HUNK: variants seen among roughly 807,000 people sequenced by gnomAD.
HUNK encodes hormonally up-regulated Neu-associated kinase, also known as hormonally up-regulated neu tumor-associated kinase.
A neutral mutation model predicts 61.0 loss-of-function variants in HUNK; 21 were observed. The observed-to-expected ratio is 0.34, with a 90% CI of 0.24 to 0.50. The LOEUF (loss-of-function observed/expected upper bound fraction) is 0.50. Ranked by LOEUF, HUNK falls within the 20% of genes least tolerant of loss-of-function variation. The pLI, the probability that HUNK is intolerant of heterozygous loss-of-function variation, is 0.98. For synonymous variants in HUNK, 371 were observed against 386.1 expected (o/e 0.96, Z 0.46); for missense variants, 772 against 945.7 (o/e 0.82, Z 2.41).
At position 31,994,724 on chromosome 21, in the gene HUNK, A is replaced by G. The variant is rs951999746; in HGVS notation, c.1306-1044A>G. On this transcript the variant is annotated intron_variant, in intron 9 of 10. Coordinates refer to ENST00000270112, the MANE Select transcript of HUNK (RefSeq NM_014586.2). ...ACCAGCCCTTTTAAAAAACATTTTAATAACTATTTATTAAGCTTTCTGTAA... is the reference window on the plus strand; with the variant it reads ...ACCAGCCCTTTTAAAAAACATTTTAGTAACTATTTATTAAGCTTTCTGTAA... Among the ~76,000 whole-genome samples the G allele has an allele frequency of 1.1e-4, 17 of 152,382 alleles. No individual in the cohort carries two copies. In the East Asian group the frequency reaches 2.9e-3, roughly 26 times the overall value.
At chr21:31,967,367 A>G (rs2052974559) in intron 5 of HUNK, among the ~76,000 whole-genome samples, 1 of 152,144 alleles carries the variant, frequency 6.6e-6, no homozygotes, top group East Asian at 1.9e-4. Flanking sequence ...ATAAAAAATA[A>G]TGAATAAAAT....
chr21:31,900,075 T>C (rs975390946), intron 1 of HUNK, among the ~76,000 whole-genome samples: 1 of 152,180 alleles, frequency 6.6e-6, no homozygotes, highest in Non-Finnish European at 1.5e-5. Context: ...GCTCCCAGCC[T>C]CTGGCTGCTT....
intron 7 of HUNK, among the ~76,000 whole-genome samples, chr21:31,976,774 T>C (rs2053052994): frequency 6.6e-6 from 1 of 150,966 alleles, no homozygotes; most frequent in Admixed American, 6.6e-5. Context: ...GCCCTCTTTT[T>C]TTTTTTTTTC....
intron 7 of HUNK, 47 bp from the exon 8 acceptor site, chr21:31,983,479 T>A: frequency 1.4e-6 from 2 of 1,448,838 alleles, no homozygotes; most frequent in Non-Finnish European, 9.7e-7. Flanking sequence ...AATGGGCATT[T>A]CTATTTCTGA....
chr21:31,945,920 T>A, intron 3 of HUNK, 116 bp from the exon 4 acceptor site: 1 of 1,038,610 alleles, frequency 9.6e-7, no homozygotes, highest in South Asian at 1.7e-5. Context: ...AAATGATGTG[T>A]TAGCCTGAGA....
intron 5 of HUNK, among the ~76,000 whole-genome samples, chr21:31,967,895 G>A (rs759667337): frequency 9.2e-5 from 14 of 152,208 alleles, no homozygotes; most frequent in South Asian, 4.1e-4. Context: ...AAGACCACAG[G>A]TTGTCTTGGG....
intron 8 of HUNK, among the ~76,000 whole-genome samples, chr21:31,984,410 GA>G (rs1296039912): frequency 6.6e-6 from 1 of 152,062 alleles, no homozygotes; most frequent in Non-Finnish European, 1.5e-5. Context: ...GCAAATGCTA[GA>G]AAAAAATGAG....
intron 3 of HUNK, 68 bp downstream of exon 3, chr21:31,940,288 A>G: frequency 1.1e-6 from 1 of 939,184 alleles, no homozygotes; most frequent in Non-Finnish European, 1.6e-6. Flanking sequence ...CTCAACTTTG[A>G]AAATTATCCA....
At chr21:31,876,619 A>T (rs2052264198) in intron 1 of HUNK, among the ~76,000 whole-genome samples, 1 of 152,142 alleles carries the variant, frequency 6.6e-6, no homozygotes, top group Non-Finnish European at 1.5e-5. Flanking sequence ...TTAAAAGGTG[A>T]GCTACTAAGA....
At chr21:31,890,518 C>A (rs2052379950) in intron 1 of HUNK, among the ~76,000 whole-genome samples, 1 of 152,208 alleles carries the variant, frequency 6.6e-6, no homozygotes, top group Admixed American at 6.5e-5. Flanking sequence ...GCATGAGCCA[C>A]CGCGCCTGGC....
At chr21:31,922,443 A>C (rs1176259506) in intron 1 of HUNK, among the ~76,000 whole-genome samples, 50 of 139,754 alleles carry the variant, frequency 3.6e-4, no homozygotes, top group Middle Eastern at 4.5e-3. Flanking sequence ...TCTCCTGCCT[A>C]AGCCTCCCGA....
At chr21:31,881,235 G>A (rs111866469) in intron 1 of HUNK, among the ~76,000 whole-genome samples, 3 of 152,326 alleles carry the variant, frequency 2.0e-5, no homozygotes, top group Admixed American at 6.5e-5. Flanking sequence ...CATATGGACC[G>A]TAGACAACGT....
intron 1 of HUNK, among the ~76,000 whole-genome samples, chr21:31,885,573 C>T (rs1358406117): frequency 6.6e-6 from 1 of 152,110 alleles, no homozygotes; most frequent in East Asian, 1.9e-4. Context: ...GCTGGAAGTC[C>T]AAAATCAAGG....
chr21:31,945,908 C>A, intron 3 of HUNK, 128 bp from the exon 4 acceptor site: 1 of 923,628 alleles, frequency 1.1e-6, no homozygotes, highest in Non-Finnish European at 1.6e-6. Context: ...CTTTAGGATG[C>A]TAAATGATGT....
chr21:31,995,237 C>T (rs1290681701), intron 9 of HUNK, among the ~76,000 whole-genome samples: 3 of 151,252 alleles, frequency 2.0e-5, no homozygotes, highest in Non-Finnish European at 4.4e-5. Flanking sequence ...AGTGCTCACA[C>T]GATTAGGGTA....
intron 1 of HUNK, among the ~76,000 whole-genome samples, chr21:31,917,691 AACATACACACACACACACACACAC>A (rs1418347320): frequency 6.4e-4 from 35 of 54,652 alleles, no homozygotes; most frequent in African/African-American, 1.9e-3. Flanking sequence ...CCCATTCCCA[AACATACACACACACACACACACAC>A]ACACACACAC....
intron 5 of HUNK, among the ~76,000 whole-genome samples, chr21:31,967,948 T>G (rs2052978741): frequency 6.6e-6 from 1 of 152,188 alleles, no homozygotes; most frequent in Non-Finnish European, 1.5e-5. Flanking sequence ...TGCTGTATCA[T>G]GTACCAGTTG....
intron 4 of HUNK, among the ~76,000 whole-genome samples, chr21:31,948,055 A>G (rs564915626): frequency 6.6e-6 from 1 of 152,316 alleles, no homozygotes; most frequent in Admixed American, 6.5e-5. Context: ...ACCCTATTTT[A>G]TGGAAGAAGA....
Position 32,000,710 on chromosome 21 carries a change from C to T in HUNK, c.*1526C>T. ...AGAATTGCAAAGCCAGCCTTTATTT[C>T]CCTGGCAGGCAGCCTTGCCAGAAGG... On this transcript the variant is annotated 3_prime_UTR_variant, in exon 11 of 11. Coordinates refer to ENST00000270112, the MANE Select transcript of HUNK (RefSeq NM_014586.2). The T allele has an allele frequency of 2.5e-6, 1 of 398,726 alleles. No individual in the cohort carries two copies. Among genetic ancestry groups the T allele is most frequent in the Non-Finnish European group, 4.4e-6 (1 of 226,100 alleles). The allele number at this position is 398,726 out of a possible 1,614,324, so 24.7% of individuals were successfully genotyped here.
Sources: gnomAD v4.1 joint callset for allele counts (sites outside exome capture counted in the v4.1 genomes callset) on GRCh38, gnomAD v4.1.1 for gene constraint, MANE v1.5 for transcripts, NCBI Gene and HGNC (gene_info 2026-07-23, HGNC 2026-07-21) for gene names.